The following SPOCK3 variants were observed in gnomAD, a reference collection of about 807,000 sequenced individuals.
SPOCK3 encodes SPARC (osteonectin), cwcv and kazal like domains proteoglycan 3.
SPOCK3 carries 30 observed loss-of-function variants against 56.6 expected under a neutral mutation model. The ratio of observed to expected loss-of-function variants is 0.53; its 90% confidence interval spans 0.40 to 0.72. SPOCK3 has a LOEUF of 0.72. Among genes scored for constraint, SPOCK3 ranks in the 30% least tolerant of loss-of-function variants. The pLI is 0.00. For synonymous variants in SPOCK3, 196 were observed against 183.3 expected (o/e 1.07, Z -0.56); for missense variants, 527 against 530.0 (o/e 0.99, Z 0.06).
chr4:166,848,542 G>T (rs1418661761), intron 6 of SPOCK3, among the ~76,000 whole-genome samples: 2 of 152,318 alleles, frequency 1.3e-5, no homozygotes, highest in East Asian at 3.9e-4. Flanking sequence ...GAGCTGCCAG[G>T]TGCTTTGAGT....
chr4:167,110,929 T>C (rs2150346834), intron 2 of SPOCK3, among the ~76,000 whole-genome samples: 1 of 152,146 alleles, frequency 6.6e-6, no homozygotes, highest in African/African-American at 2.4e-5. Flanking sequence ...TTTCATTTTT[T>C]TGAAAATATA....
chr4:167,232,707 C>A (rs142531528), intron 2 of SPOCK3, among the ~76,000 whole-genome samples: 1 of 152,128 alleles, frequency 6.6e-6, no homozygotes, highest in Non-Finnish European at 1.5e-5. Flanking sequence ...GATGCTTAAG[C>A]TTTGTTCATG....
At chr4:166,936,836 A>T (rs1185775549) in intron 4 of SPOCK3, among the ~76,000 whole-genome samples, 2 of 152,150 alleles carry the variant, frequency 1.3e-5, no homozygotes, top group East Asian at 3.9e-4. Context: ...TAACATACCA[A>T]ATTTAAGGTT....
chr4:166,983,257 C>T (rs1214495178), intron 4 of SPOCK3, among the ~76,000 whole-genome samples: 3 of 151,968 alleles, frequency 2.0e-5, no homozygotes, highest in Non-Finnish European at 2.9e-5. Flanking sequence ...TAGCACAGGA[C>T]TTCATAAAAC....
chr4:167,212,651 C>T (rs1240297796), intron 2 of SPOCK3, among the ~76,000 whole-genome samples: 4 of 152,150 alleles, frequency 2.6e-5, no homozygotes, highest in Non-Finnish European at 4.4e-5. Context: ...GATAATAGCA[C>T]AAGTTGTATC....
chr4:166,789,338 A>G (rs1239755557), intron 7 of SPOCK3, among the ~76,000 whole-genome samples: 1 of 152,102 alleles, frequency 6.6e-6, no homozygotes, highest in Non-Finnish European at 1.5e-5. Flanking sequence ...TTAAGGTAGG[A>G]GAATCACCTG....
At chr4:166,813,247 C>T (rs1309351871) in intron 6 of SPOCK3, among the ~76,000 whole-genome samples, 1 of 151,968 alleles carries the variant, frequency 6.6e-6, no homozygotes, top group African/African-American at 2.4e-5. Context: ...ACTGCACAAT[C>T]GAATAAGCAA....
chr4:166,918,651 A>T (rs1319675136), intron 4 of SPOCK3, among the ~76,000 whole-genome samples: 1 of 152,236 alleles, frequency 6.6e-6, no homozygotes, highest in Non-Finnish European at 1.5e-5. Context: ...AACAATTTTT[A>T]AACATATTTT....
intron 4 of SPOCK3, among the ~76,000 whole-genome samples, chr4:166,993,268 G>A (rs1310903849): frequency 1.3e-5 from 2 of 152,108 alleles, no homozygotes; most frequent in Non-Finnish European, 2.9e-5. Flanking sequence ...GACATGCAAG[G>A]GCTTAGCTAT....
intron 2 of SPOCK3, among the ~76,000 whole-genome samples, chr4:167,187,035 G>C (rs1328538487): frequency 6.7e-6 from 1 of 149,314 alleles, no homozygotes; most frequent in African/African-American, 2.5e-5. Flanking sequence ...ATCTCACTAA[G>C]AAGCCAGAAA....
intron 4 of SPOCK3, among the ~76,000 whole-genome samples, chr4:166,943,265 A>G (rs111262835): frequency 2.6e-5 from 4 of 152,324 alleles, no homozygotes; most frequent in African/African-American, 9.6e-5. Context: ...TTTAATGTCC[A>G]CCTATAGGAA....
intron 3 of SPOCK3, among the ~76,000 whole-genome samples, chr4:167,060,005 G>A (rs999010265): frequency 6.6e-6 from 1 of 150,950 alleles, no homozygotes; most frequent in South Asian, 2.1e-4. Flanking sequence ...CTGTTGTGGG[G>A]TGGGGGGAGT....
chr4:166,782,481 T>C (rs1047632770), intron 7 of SPOCK3, among the ~76,000 whole-genome samples: 2 of 152,180 alleles, frequency 1.3e-5, no homozygotes, highest in African/African-American at 4.8e-5. Flanking sequence ...ATAATTTATA[T>C]TGACAGAATA....
chr4:166,767,578 T>C (rs915685532), intron 7 of SPOCK3, among the ~76,000 whole-genome samples: 3 of 152,214 alleles, frequency 2.0e-5, no homozygotes, highest in Non-Finnish European at 2.9e-5. Flanking sequence ...TTCTGTTCTT[T>C]TACATTTGCT....
intron 2 of SPOCK3, among the ~76,000 whole-genome samples, chr4:167,182,188 T>C (rs878863945): frequency 6.6e-6 from 1 of 152,186 alleles, no homozygotes; most frequent in African/African-American, 2.4e-5. Context: ...CTGGCAACTT[T>C]TTTTTCCCTT....
intron 4 of SPOCK3, among the ~76,000 whole-genome samples, chr4:166,925,701 C>T (rs890231975): frequency 2.6e-5 from 4 of 151,542 alleles, no homozygotes; most frequent in Admixed American, 6.6e-5. Flanking sequence ...TATTTACAAA[C>T]GATTCTAACT....
At position 166,733,490 on chromosome 4, in the gene SPOCK3, T is replaced by C. The variant is rs1466087239; in HGVS notation, c.*1431A>G. 6.6e-6 allele frequency: 1 copy of C among 151,896 alleles called. No homozygotes were observed. The highest frequency in any genetic ancestry group is 1.5e-5 in the Non-Finnish European group (1 of 67,790). The allele number at this position is 151,896 out of a possible 1,614,324, so 9.4% of individuals were successfully genotyped here. ...AACATTAAATTTTGTATTGAGTGTG[T>C]ATAAATTAAATGGAAATAATTAATC... On this transcript the variant is annotated 3_prime_UTR_variant, in exon 11 of 11. Transcript: ENST00000357545.
intron 2 of SPOCK3, among the ~76,000 whole-genome samples, chr4:167,142,493 T>C (rs1033774748): frequency 2.0e-5 from 3 of 151,952 alleles, no homozygotes; most frequent in Admixed American, 2.0e-4. Flanking sequence ...TATAATATAC[T>C]GACAAAGAAT....
At position 166,968,942 on chromosome 4, in the gene SPOCK3, C is replaced by T. The variant is rs540116097; in HGVS notation, c.350+31407G>A. On this transcript the variant is annotated intron_variant, in intron 4 of 10. Coordinates refer to ENST00000357545, the MANE Select transcript of SPOCK3 (RefSeq NM_001040159.2). ...TGCAGAGCCACAGGGGTGGAGCTGC[C>T]CAAGGTCATGACAGCTCAACCCTTG... 2.6e-5 allele frequency among the ~76,000 whole-genome samples: 4 copies of T among 152,170 alleles called. 1 individual carries two copies. In the East Asian group the frequency reaches 7.8e-4, roughly 30 times the overall value.
Sources: allele counts gnomAD v4.1 joint callset (sites outside exome capture counted in the v4.1 genomes callset), GRCh38; gene constraint gnomAD v4.1.1; transcripts MANE v1.5; gene names NCBI Gene and HGNC (gene_info 2026-07-23, HGNC 2026-07-21).